The following VPS37A variants were observed in gnomAD, a reference collection of about 807,000 sequenced individuals.
VPS37A encodes the protein vacuolar protein sorting-associated protein 37A.
In VPS37A, 30 loss-of-function variants were observed where a neutral mutation model predicts 49.8. That is an observed-to-expected ratio of 0.60 (90% CI 0.45 to 0.82). The LOEUF is 0.82. VPS37A is among the 40% of genes least tolerant of loss of function. The probability of loss-of-function intolerance (pLI) is 0.00; values close to 1 mark genes in which losing one functional copy is unlikely to be tolerated. For missense variants in VPS37A, 593 were observed against 464.4 expected (o/e 1.28, Z -2.55); for synonymous variants, 195 against 160.6 (o/e 1.21, Z -1.62).
At chr8:17,288,873 C>A (rs1815875062) in intron 11 of VPS37A, among the ~76,000 whole-genome samples, 1 of 152,154 alleles carries the variant, frequency 6.6e-6, no homozygotes, top group South Asian at 2.1e-4. Flanking sequence ...ACATCCTCTC[C>A]AGCATCTGTT....
At chr8:17,293,275 C>G (rs996332718) in intron 11 of VPS37A, among the ~76,000 whole-genome samples, 2 of 151,492 alleles carry the variant, frequency 1.3e-5, no homozygotes, top group African/African-American at 2.4e-5. Context: ...TCATGAAGTT[C>G]TCGTGCTGTG....
chr8:17,286,502 C>G, intron 11 of VPS37A, 75 bp downstream of exon 11: 1 of 1,304,072 alleles, frequency 7.7e-7, no homozygotes, highest in Non-Finnish European at 1.1e-6. Context: ...GTTAACGGTG[C>G]CTGTTCATCA....
chr8:17,313,270 T>G, the VPS37A span: 2 of 1,566,046 alleles, frequency 1.3e-6, no homozygotes, highest in Non-Finnish European at 1.8e-6. Context: ...TCCCTTAATT[T>G]ATTTTCTCTG....
chr8:17,290,537 C>T (rs1017882694), intron 11 of VPS37A, among the ~76,000 whole-genome samples: 6 of 152,100 alleles, frequency 3.9e-5, no homozygotes, highest in Non-Finnish European at 5.9e-5. Context: ...CCAACTTGAT[C>T]GTGGTGGATA....
chr8:17,286,591 T>C (rs1815615889), intron 11 of VPS37A, 164 bp downstream of exon 11: 3 of 561,492 alleles, frequency 5.3e-6, no homozygotes. Context: ...AAGCATAATA[T>C]AAACATATAA....
At chr8:17,290,902 G>T (rs911464975) in intron 11 of VPS37A, among the ~76,000 whole-genome samples, 1 of 152,166 alleles carries the variant, frequency 6.6e-6, no homozygotes, top group Non-Finnish European at 1.5e-5. Flanking sequence ...TTGGGAGGAT[G>T]TATGTGTCCA....
At chr8:17,254,531 A>T (rs896999766) in intron 1 of VPS37A, among the ~76,000 whole-genome samples, 1 of 151,940 alleles carries the variant, frequency 6.6e-6, no homozygotes, top group African/African-American at 2.4e-5. Context: ...GTTTGCATTG[A>T]CCTGGTTCAA....
intron 1 of VPS37A, 49 bp downstream of exon 1, chr8:17,247,418 C>T (rs768919537): frequency 7.5e-6 from 1 of 134,008 alleles, no homozygotes; most frequent in Non-Finnish European, 1.2e-5. Context: ...GGTGGGAGGG[C>T]GGGCTTGTCC....
rs892838475 is a variant in VPS37A at position 17,279,340 on chromosome 8, A to G, written c.714-688A>G. On this transcript the variant is annotated intron_variant, in intron 6 of 11. Coordinates refer to ENST00000324849, the MANE Select transcript of VPS37A (RefSeq NM_152415.3). ...CTAGAGGAAAAAGCCAAAATGTTAC[A>G]GTAACTACTCTGGCCTCTTTTCAGC... Among the ~76,000 whole-genome samples the G allele has an allele frequency of 2.0e-5, 3 of 152,160 alleles. 1 individual carries two copies. Among genetic ancestry groups the G allele is most frequent in the Admixed American group, 6.5e-5 (1 of 15,272 alleles).
intron 9 of VPS37A, among the ~76,000 whole-genome samples, chr8:17,280,681 T>C (rs1290816686): frequency 6.6e-6 from 1 of 151,998 alleles, no homozygotes; most frequent in Non-Finnish European, 1.5e-5. Context: ...CCCTGACACA[T>C]AACTTTTCTG....
chr8:17,274,075 C>T (rs925577723), intron 4 of VPS37A, among the ~76,000 whole-genome samples: 1 of 152,042 alleles, frequency 6.6e-6, no homozygotes, highest in Admixed American at 6.6e-5. Flanking sequence ...TGATCTGGTT[C>T]TCTCTAAAAT....
At chr8:17,322,363 A>G in the VPS37A span, among the ~76,000 whole-genome samples, 1 of 152,250 alleles carries the variant, frequency 6.6e-6, no homozygotes, top group Non-Finnish European at 1.5e-5. Context: ...AAAATCAAGC[A>G]GCAAGTTCAT....
the VPS37A span, among the ~76,000 whole-genome samples, chr8:17,329,127 A>G: frequency 1.3e-5 from 2 of 152,352 alleles, no homozygotes; most frequent in East Asian, 1.9e-4. Flanking sequence ...ATAATCATGA[A>G]TGAAACGCAT....
intron 1 of VPS37A, among the ~76,000 whole-genome samples, chr8:17,252,231 GGCACGATCAC>G (rs1563234933): frequency 2.6e-5 from 4 of 152,178 alleles, no homozygotes; most frequent in Non-Finnish European, 5.9e-5. Flanking sequence ...AGAGTGCAGT[GGCACGATCAC>G]AGCTTACCGC....
intron 4 of VPS37A, among the ~76,000 whole-genome samples, chr8:17,271,597 C>A (rs530981585): frequency 1.3e-5 from 2 of 152,008 alleles, no homozygotes; most frequent in East Asian, 3.9e-4. Flanking sequence ...CAGAGCAAGA[C>A]TCCGTCTCAA....
chr8:17,251,436 T>C (rs1238400534), intron 1 of VPS37A, among the ~76,000 whole-genome samples: 1 of 152,240 alleles, frequency 6.6e-6, no homozygotes, highest in Non-Finnish European at 1.5e-5. Context: ...GAAGAGTATC[T>C]AGCACATAGT....
chr8:17,250,231 A>G (rs754714137), intron 1 of VPS37A, among the ~76,000 whole-genome samples: 3 of 152,168 alleles, frequency 2.0e-5, no homozygotes, highest in Non-Finnish European at 4.4e-5. Flanking sequence ...GAGGCCCTCC[A>G]GACTCCTTTA....
chr8:17,331,289 T>C, the VPS37A span: 1 of 1,585,272 alleles, frequency 6.3e-7, no homozygotes, highest in South Asian at 1.2e-5. Flanking sequence ...TAAGCTGCAG[T>C]GGTCAGCAAA....
chr8:17,279,806 T>C (rs1291666010), intron 6 of VPS37A: 6 of 611,618 alleles, frequency 9.8e-6, no homozygotes, highest in Middle Eastern at 2.6e-4. Context: ...GACCAAAATT[T>C]ACTTTTACAG....
Sources: gnomAD v4.1 joint callset for allele counts (sites outside exome capture counted in the v4.1 genomes callset) on GRCh38, gnomAD v4.1.1 for gene constraint, MANE v1.5 for transcripts, NCBI Gene and HGNC (gene_info 2026-07-23, HGNC 2026-07-21) for gene names.